The following ITGA1 variants were observed in gnomAD, a reference collection of about 807,000 sequenced individuals.
ITGA1 encodes the protein integrin subunit alpha 1.
A neutral mutation model predicts 145.9 loss-of-function variants in ITGA1; 85 were observed. That is an observed-to-expected ratio of 0.58 (90% CI 0.49 to 0.70). ITGA1 has a LOEUF of 0.70. Among genes scored for constraint, ITGA1 ranks in the 30% least tolerant of loss-of-function variants. The probability of loss-of-function intolerance (pLI) is 0.00; values close to 1 mark genes in which losing one functional copy is unlikely to be tolerated. For synonymous variants in ITGA1, 520 were observed against 495.3 expected, an observed-to-expected ratio of 1.05 and a Z score of -0.66; for missense variants, 1,351 against 1,418.7, an observed-to-expected ratio of 0.95 and a Z score of 0.77.
chr5:52,815,570 T>G (rs1748753096), intron 1 of ITGA1, among the ~76,000 whole-genome samples: 4 of 152,174 alleles, frequency 2.6e-5, no homozygotes. Context: ...AGGATTGGTC[T>G]TGGCTCTAGT....
chr5:52,826,700 C>T (rs1748970907), intron 1 of ITGA1, among the ~76,000 whole-genome samples: 2 of 152,184 alleles, frequency 1.3e-5, no homozygotes, highest in African/African-American at 4.8e-5. Flanking sequence ...GCTAAATCTA[C>T]CTACACTCTA....
intron 2 of ITGA1, among the ~76,000 whole-genome samples, chr5:52,855,458 AATAG>A (rs2111761370): frequency 6.6e-6 from 1 of 152,318 alleles, no homozygotes; most frequent in South Asian, 2.1e-4. Flanking sequence ...TCATTCATTC[AATAG>A]ATATTTATTG....
At chr5:52,806,992 G>A (rs1164705968) in intron 1 of ITGA1, among the ~76,000 whole-genome samples, 2 of 152,146 alleles carry the variant, frequency 1.3e-5, no homozygotes, top group Non-Finnish European at 2.9e-5. Flanking sequence ...ATAAATTGTG[G>A]AGACTTGGAT....
At chr5:52,801,411 A>T (rs1221952550) in intron 1 of ITGA1, 1 of 1,610,514 alleles carries the variant, frequency 6.2e-7, no homozygotes, top group Middle Eastern at 1.7e-4. Context: ...GATTCTAGGT[A>T]CATGCCTCCT....
chr5:52,833,277 C>A (rs1318507943), intron 1 of ITGA1, among the ~76,000 whole-genome samples: 2 of 152,040 alleles, frequency 1.3e-5, no homozygotes, highest in African/African-American at 4.8e-5. Context: ...GTAAAACAGA[C>A]TTTTACTATG....
chr5:52,920,810 T>C (rs1328758162), intron 17 of ITGA1, among the ~76,000 whole-genome samples: 1 of 152,184 alleles, frequency 6.6e-6, no homozygotes, highest in African/African-American at 2.4e-5. Flanking sequence ...AAACATTTAA[T>C]TTCTGTGGGC....
rs551467162 is a variant in ITGA1, at chr5:52,876,976, G to A, written c.625-4897G>A. On this transcript the variant is annotated intron_variant, in intron 6 of 28. Transcript: ENST00000282588. The stretch of plus-strand genomic sequence containing the variant: ...TGGTAGGAGTGGAGTTCATATTGGG[G>A]AGTCCTGAAGATGGGGGTGAATGGA... Among the ~76,000 whole-genome samples the A allele has an allele frequency of 3.3e-5, 5 of 152,236 alleles. No individual in the cohort carries two copies. The South Asian group carries it at 1.0e-3, about 32-fold the overall frequency.
intron 7 of ITGA1, among the ~76,000 whole-genome samples, chr5:52,882,510 A>G (rs1236501555): frequency 1.3e-5 from 2 of 152,014 alleles, no homozygotes; most frequent in Admixed American, 6.6e-5. Flanking sequence ...TCTATTTAAA[A>G]TCATTTTTAG....
At chr5:52,821,097 T>A (rs1748872272) in intron 1 of ITGA1, among the ~76,000 whole-genome samples, 1 of 152,208 alleles carries the variant, frequency 6.6e-6, no homozygotes, top group South Asian at 2.1e-4. Flanking sequence ...CTAGCACAGA[T>A]TTATCTATTT....
At chr5:52,951,660 C>T (rs1361703328) in intron 28 of ITGA1, among the ~76,000 whole-genome samples, 1 of 152,108 alleles carries the variant, frequency 6.6e-6, no homozygotes, top group Non-Finnish European at 1.5e-5. Context: ...AACGCCCTAG[C>T]CATAATATAC....
chr5:52,802,004 T>C (rs563504558), intron 1 of ITGA1: 84 of 562,624 alleles, frequency 1.5e-4, no homozygotes, highest in South Asian at 1.1e-3. Context: ...GCAAGACATG[T>C]ATTTAAACAA....
At chr5:52,879,479 C>G (rs989239294) in intron 6 of ITGA1, among the ~76,000 whole-genome samples, 2 of 152,116 alleles carry the variant, frequency 1.3e-5, no homozygotes. Context: ...CATTTATATA[C>G]CCAAAGACAT....
intron 1 of ITGA1, among the ~76,000 whole-genome samples, chr5:52,818,296 A>T (rs1258461760): frequency 6.6e-6 from 1 of 152,058 alleles, no homozygotes; most frequent in Non-Finnish European, 1.5e-5. Flanking sequence ...TGTAAATCAC[A>T]TTGTAACTGG....
Position 52,955,358 on chromosome 5 carries a change from TAGATA to T in ITGA1, c.*2908_*2912del, listed in dbSNP as rs1159753779. 1.0e-5 allele frequency: 1 copy of T among 96,390 alleles called. No individual in the cohort carries two copies. The highest frequency in any genetic ancestry group is 2.0e-5 in the Non-Finnish European group (1 of 50,028). 6.0% of individuals were successfully genotyped at this position (96,390 alleles called of 1,614,324 possible). On this transcript the variant is annotated 3_prime_UTR_variant, in exon 29 of 29. Transcript: ENST00000282588. Reference sequence around the variant, plus strand: ...ATTACACGATAGACAGATAGATAGATAGATAGATAGATAGATAGATAGATAGATAG... The same window carrying T: ...ATTACACGATAGACAGATAGATAGATGATAGATAGATAGATAGATAGATAG...
intron 1 of ITGA1, among the ~76,000 whole-genome samples, chr5:52,846,328 G>A (rs888688680): frequency 7.2e-5 from 11 of 152,102 alleles, no homozygotes; most frequent in Admixed American, 2.0e-4. Flanking sequence ...GCTTGAAGCC[G>A]GGAGACAGAG....
At chr5:52,934,930 T>C (rs1750944016) in intron 23 of ITGA1, among the ~76,000 whole-genome samples, 1 of 151,928 alleles carries the variant, frequency 6.6e-6, no homozygotes. Context: ...TTAGCATAAA[T>C]GCCAATCACT....
At position 52,891,251 on chromosome 5, in the gene ITGA1, GT is replaced by G. The variant is rs1247320379; in HGVS notation, c.925-2414del. ...TTCTTTGGGATATATACCCAGCAAT[GT>G]TTTTTTTTTCTTTTTTTTTTTTCAT... On this transcript the variant is annotated intron_variant, in intron 8 of 28. Transcript: ENST00000282588. Among the ~76,000 whole-genome samples the G allele has an allele frequency of 3.8e-3, 415 of 110,448 alleles. 6 individuals are homozygous for G. The highest frequency in any genetic ancestry group is 0.017 in the Middle Eastern group (3 of 176). The allele number at this position is 110,448 out of a possible 152,430, so 72.5% of individuals were successfully genotyped here.
chr5:52,799,180 T>A (rs1339457113), intron 1 of ITGA1, among the ~76,000 whole-genome samples: 3 of 152,194 alleles, frequency 2.0e-5, no homozygotes, highest in African/African-American at 7.2e-5. Flanking sequence ...TTTAGATTCT[T>A]TTGTTTTTTC....
intron 1 of ITGA1, chr5:52,801,659 G>A (rs1748489127): frequency 3.1e-6 from 5 of 1,614,046 alleles, no homozygotes; most frequent in African/African-American, 1.3e-5. Flanking sequence ...GTAGCCACAC[G>A]GAGCCGGTAT....
Sources: gnomAD v4.1 joint callset for allele counts (sites outside exome capture counted in the v4.1 genomes callset) on GRCh38, gnomAD v4.1.1 for gene constraint, MANE v1.5 for transcripts, NCBI Gene and HGNC (gene_info 2026-07-23, HGNC 2026-07-21) for gene names.